DOCK9: variants seen among roughly 807,000 people sequenced by gnomAD.
The protein encoded by DOCK9 is dedicator of cytokinesis 9.
A neutral mutation model predicts 263.3 loss-of-function variants in DOCK9; 89 were observed. The ratio of observed to expected loss-of-function variants is 0.34; its 90% CI spans 0.28 to 0.40. The LOEUF is 0.40. Ranked by LOEUF, DOCK9 falls within the 10% of genes least tolerant of loss-of-function variation. The probability of loss-of-function intolerance (pLI) is 1.00; values close to 1 mark genes in which losing one functional copy is unlikely to be tolerated. For missense variants in DOCK9, 2,140 were observed against 2,603.4 expected (o/e 0.82, Z 3.87); for synonymous variants, 976 against 973.1 (o/e 1.00, Z -0.06).
chr13:98,808,655 A>G, intron 47 of DOCK9: 1 of 1,589,472 alleles, frequency 6.3e-7, no homozygotes, highest in Non-Finnish European at 8.6e-7. Flanking sequence ...CATCTGTTTC[A>G]CTGTCTGTAA....
chr13:98,795,439 C>T (rs564400274), intron 52 of DOCK9, among the ~76,000 whole-genome samples: 11 of 152,336 alleles, frequency 7.2e-5, no homozygotes, highest in East Asian at 5.8e-4. Context: ...AGTCTACCCC[C>T]GCCACGGCCC....
chr13:98,865,077 G>T (rs1283974293), intron 30 of DOCK9, among the ~76,000 whole-genome samples: 1 of 152,094 alleles, frequency 6.6e-6, no homozygotes, highest in African/African-American at 2.4e-5. Flanking sequence ...TTTTTTGAGA[G>T]AGGGTCTTGC....
chr13:98,903,847 C>A (rs2048696893), intron 10 of DOCK9, among the ~76,000 whole-genome samples: 2 of 152,220 alleles, frequency 1.3e-5, no homozygotes, highest in South Asian at 4.1e-4. Flanking sequence ...ATGGATTGAC[C>A]TTGAAAACAT....
chr13:98,825,470 G>A lies in DOCK9; in HGVS notation c.5024-966C>T, dbSNP rs2092487505. 6.6e-6 allele frequency among the ~76,000 whole-genome samples: 1 copy of A among 152,122 alleles called. No homozygotes were observed. ...ATTTTTCTGCTGCACATGATCCCAG[G>A]TTTCTACACTATTCATGGATTATCC... On this transcript the variant is annotated intron_variant, in intron 44 of 52. Transcript: ENST00000682017. This position sits in a 1 kb window ranked among gnomAD's most constrained non-coding sequence, Gnocchi z 4.1.
intron 1 of DOCK9, among the ~76,000 whole-genome samples, chr13:99,035,908 T>G (rs764154510): frequency 6.6e-6 from 1 of 152,112 alleles, no homozygotes. Context: ...ATCCAAGCAG[T>G]TGAAGACCTT....
At chr13:99,031,236 T>C (rs940277121) in intron 1 of DOCK9, among the ~76,000 whole-genome samples, 3 of 152,236 alleles carry the variant, frequency 2.0e-5, no homozygotes, top group Non-Finnish European at 2.9e-5. Context: ...GAAATGTCTA[T>C]GAATTTAAAA....
intron 2 of DOCK9, among the ~76,000 whole-genome samples, chr13:98,950,653 C>T (rs1021358218): frequency 4.6e-5 from 7 of 152,176 alleles, no homozygotes; most frequent in Non-Finnish European, 1.0e-4. Context: ...TGTTTGTTTA[C>T]ACCAGACACC....
At chr13:99,023,111 G>T (rs1260079705) in intron 1 of DOCK9, among the ~76,000 whole-genome samples, 3 of 152,156 alleles carry the variant, frequency 2.0e-5, no homozygotes, top group African/African-American at 7.2e-5. Flanking sequence ...TCACCTCTGG[G>T]AATAGACACA....
rs71114563 is a variant in DOCK9 at position 98,951,903 on chromosome 13, C to CT, written c.243+3531dup. Among the ~76,000 whole-genome samples, 747 of 134,856 alleles carry CT rather than the reference C, an allele frequency of 5.5e-3. 22 individuals are homozygous for CT. The highest frequency in any genetic ancestry group is 0.015 in the South Asian group (59 of 4,058). The allele number at this position is 134,856 out of a possible 152,430, so 88.5% of individuals were successfully genotyped here. ...ATGTACTTTACTTCATTAATATTCCCTTTTTTTTTTTGAGATGGAGTTTTC... is the reference window on the plus strand; with the variant it reads ...ATGTACTTTACTTCATTAATATTCCCTTTTTTTTTTTTGAGATGGAGTTTTC... On this transcript the variant is annotated intron_variant, in intron 2 of 52. Coordinates refer to ENST00000682017, the MANE Select transcript of DOCK9 (RefSeq NM_001366683.2).
chr13:99,009,679 C>A (rs954309351), intron 1 of DOCK9, among the ~76,000 whole-genome samples: 2 of 152,040 alleles, frequency 1.3e-5, no homozygotes, highest in Non-Finnish European at 2.9e-5. Flanking sequence ...GTCCCCACCC[C>A]CAAACCCACA....
intron 1 of DOCK9, among the ~76,000 whole-genome samples, chr13:98,993,972 T>G (rs767256600): frequency 6.6e-6 from 1 of 152,222 alleles, no homozygotes; most frequent in Non-Finnish European, 1.5e-5. Context: ...CAAGTTGTAA[T>G]GTGAGATTGC....
At chr13:98,975,951 T>G (rs1257290902) in intron 1 of DOCK9, among the ~76,000 whole-genome samples, 2 of 152,220 alleles carry the variant, frequency 1.3e-5, no homozygotes, top group Non-Finnish European at 2.9e-5. Context: ...ACAAGTTGCC[T>G]TTCCAGCAGT....
At chr13:98,946,107 G>A (rs2056666925) in intron 2 of DOCK9, among the ~76,000 whole-genome samples, 1 of 152,150 alleles carries the variant, frequency 6.6e-6, no homozygotes, top group South Asian at 2.1e-4. Context: ...AGGCGGGCTG[G>A]GAGAAGGCCT....
At chr13:98,845,308 T>A (rs577850673) in intron 38 of DOCK9, 13 of 1,357,808 alleles carry the variant, frequency 9.6e-6, no homozygotes, top group Non-Finnish European at 2.0e-6. Context: ...TAAAGCAGAC[T>A]TCAACCTGAT....
At chr13:98,893,960 C>G (rs2047008736) in intron 15 of DOCK9, among the ~76,000 whole-genome samples, 1 of 152,122 alleles carries the variant, frequency 6.6e-6, no homozygotes, top group African/African-American at 2.4e-5. Flanking sequence ...TGGAGCACAC[C>G]CTTCACACCA....
At chr13:98,883,650 T>C (rs918429069) in intron 22 of DOCK9, among the ~76,000 whole-genome samples, 163 bp downstream of exon 22, 1 of 152,264 alleles carries the variant, frequency 6.6e-6, no homozygotes, top group Non-Finnish European at 1.5e-5. Flanking sequence ...TAGTCATTTA[T>C]ATGAATACAT....
intron 1 of DOCK9, among the ~76,000 whole-genome samples, chr13:99,066,408 G>A (rs2041418895): frequency 6.6e-6 from 1 of 152,100 alleles, no homozygotes; most frequent in African/African-American, 2.4e-5. Context: ...TTTTAATCTA[G>A]AACTCCACAA....
chr13:98,815,858 C>A (rs771580521), intron 45 of DOCK9, among the ~76,000 whole-genome samples: 6 of 152,178 alleles, frequency 3.9e-5, no homozygotes, highest in Non-Finnish European at 8.8e-5. Context: ...TGTAAATCTA[C>A]AATGACACCC....
At chr13:99,048,782 C>A (rs2040552907) in intron 1 of DOCK9, among the ~76,000 whole-genome samples, 1 of 152,212 alleles carries the variant, frequency 6.6e-6, no homozygotes, top group Admixed American at 6.5e-5. Context: ...TATACTTGTA[C>A]CTTTATTATT....
Sources: allele counts gnomAD v4.1 joint callset (sites outside exome capture counted in the v4.1 genomes callset), GRCh38; gene constraint gnomAD v4.1.1; non-coding constraint Gnocchi (gnomAD v3.1); transcripts MANE v1.5; gene names NCBI Gene and HGNC (gene_info 2026-07-23, HGNC 2026-07-21).